The following PCDH9 variants were observed in gnomAD, a reference collection of about 807,000 sequenced individuals.
The protein encoded by PCDH9 is protocadherin 9.
Under a neutral mutation model 70.6 loss-of-function variants are expected in PCDH9, and 24 were observed. The ratio of observed to expected loss-of-function variants is 0.34; its 90% CI spans 0.25 to 0.48. The LOEUF (loss-of-function observed/expected upper bound fraction) is 0.48. Ranked by LOEUF, PCDH9 falls within the 20% of genes least tolerant of loss-of-function variation. The pLI is 0.99. For synonymous variants in PCDH9, 562 were observed against 558.5 expected (o/e 1.01, Z -0.09); for missense variants, 1,281 against 1,503.6 (o/e 0.85, Z 2.45).
chr13:66,884,883 T>C (rs1224862722), intron 3 of PCDH9, among the ~76,000 whole-genome samples: 1 of 152,186 alleles, frequency 6.6e-6, no homozygotes, highest in Non-Finnish European at 1.5e-5. Flanking sequence ...CTCTCAAAAA[T>C]ATTTTAAAGC....
At chr13:67,061,053 T>C (rs564616665) in intron 2 of PCDH9, among the ~76,000 whole-genome samples, 6 of 152,280 alleles carry the variant, frequency 3.9e-5, no homozygotes, top group Non-Finnish European at 5.9e-5. Flanking sequence ...TTTTAATTAC[T>C]GCTTTTGTAC....
rs1237016380 is a variant in PCDH9 at position 66,873,440 on chromosome 13, G to T, written c.3138+30064C>A. 1.3e-5 allele frequency among the ~76,000 whole-genome samples: 2 copies of T among 152,144 alleles called. 1 individual carries two copies. The highest frequency in any genetic ancestry group is 4.1e-4 in the South Asian group (2 of 4,828). ...CAATTTATTTTTAAACATGAGAAATGCATTACCAAGGACGAGAAGCTCTTT... is the reference window on the plus strand; with the variant it reads ...CAATTTATTTTTAAACATGAGAAATTCATTACCAAGGACGAGAAGCTCTTT... On this transcript the variant is annotated intron_variant, in intron 3 of 4. Coordinates refer to ENST00000377865, the MANE Select transcript of PCDH9 (RefSeq NM_203487.3).
chr13:67,045,057 T>C (rs977746154), intron 2 of PCDH9, among the ~76,000 whole-genome samples: 7 of 152,204 alleles, frequency 4.6e-5, no homozygotes, highest in African/African-American at 1.4e-4. Context: ...TGGGGAAAGA[T>C]TGAGACATTC....
intron 3 of PCDH9, among the ~76,000 whole-genome samples, chr13:66,842,731 T>C (rs1186134737): frequency 6.6e-6 from 1 of 152,148 alleles, no homozygotes; most frequent in African/African-American, 2.4e-5. Flanking sequence ...TAAAATATCA[T>C]CTCCTGTTTT....
chr13:66,561,079 G>A lies in PCDH9; in HGVS notation c.3340+70131C>T, dbSNP rs148240163. ...GAGATGTGGAGGGAGAAGCGCGGGC[G>A]GGAACCCGGGCTGCGCGTGGTGCTT... On this transcript the variant is annotated intron_variant, in intron 4 of 4. Transcript: ENST00000377865. Among the ~76,000 whole-genome samples, 672 of 152,330 alleles carry A rather than the reference G, an allele frequency of 4.4e-3. 28 individuals carry two copies. The East Asian group carries it at 0.085, about 19-fold the overall frequency.
chr13:66,929,197 A>G (rs900665972), intron 2 of PCDH9, among the ~76,000 whole-genome samples: 1 of 152,050 alleles, frequency 6.6e-6, no homozygotes, highest in Non-Finnish European at 1.5e-5. Context: ...CAATTAACAC[A>G]GAATAAATTT....
At chr13:67,001,388 A>G (rs2084241777) in intron 2 of PCDH9, among the ~76,000 whole-genome samples, 2 of 151,636 alleles carry the variant, frequency 1.3e-5, no homozygotes, top group East Asian at 3.9e-4. Context: ...GGGCAAGAAT[A>G]GGGAGCTATG....
At chr13:66,432,233 C>T (rs566242025) in intron 4 of PCDH9, among the ~76,000 whole-genome samples, 1 of 152,088 alleles carries the variant, frequency 6.6e-6, no homozygotes, top group Admixed American at 6.6e-5. Flanking sequence ...TATTATAGCA[C>T]TTGGCAGGTC....
At chr13:66,592,283 C>T (rs1380494575) in intron 4 of PCDH9, among the ~76,000 whole-genome samples, 1 of 151,618 alleles carries the variant, frequency 6.6e-6, no homozygotes, top group Non-Finnish European at 1.5e-5. Context: ...CATGATCAAT[C>T]CCCTGCCCTT....
chr13:66,886,697 C>T (rs563658451), intron 3 of PCDH9, among the ~76,000 whole-genome samples: 3 of 152,218 alleles, frequency 2.0e-5, no homozygotes, highest in African/African-American at 7.2e-5. Flanking sequence ...ATTATTATAA[C>T]TAGGTATCAG....
intron 4 of PCDH9, among the ~76,000 whole-genome samples, chr13:66,515,138 T>C (rs1232432757): frequency 1.3e-5 from 2 of 152,072 alleles, no homozygotes; most frequent in Admixed American, 1.3e-4. Flanking sequence ...AGAAAGGAGT[T>C]GTGGGGAATT....
At chr13:66,621,760 T>A (rs1234741145) in intron 4 of PCDH9, among the ~76,000 whole-genome samples, 1 of 152,356 alleles carries the variant, frequency 6.6e-6, no homozygotes, top group Middle Eastern at 3.4e-3. Context: ...AAGTTATTTA[T>A]CCTATTGAGA....
chr13:66,705,569 T>C (rs1376889145), intron 3 of PCDH9, among the ~76,000 whole-genome samples: 1 of 152,214 alleles, frequency 6.6e-6, no homozygotes, highest in East Asian at 1.9e-4. Context: ...CGTGGCATTT[T>C]CCATAAATAA....
chr13:67,009,603 C>A (rs905256997), intron 2 of PCDH9, among the ~76,000 whole-genome samples: 1 of 151,946 alleles, frequency 6.6e-6, no homozygotes. Context: ...GTCTGTACTC[C>A]TTATTTAGTC....
Position 66,362,764 on chromosome 13 carries a change from T to C in PCDH9, c.3341-57736A>G, listed in dbSNP as rs545599340. On this transcript the variant is annotated intron_variant, in intron 4 of 4. Coordinates refer to ENST00000377865, the MANE Select transcript of PCDH9 (RefSeq NM_203487.3). ...TGGAAGCTGATGGGGACTAAACAGTTGTGGCACAATGTGCAATAAAAGGAT... is the reference window on the plus strand; with the variant it reads ...TGGAAGCTGATGGGGACTAAACAGTCGTGGCACAATGTGCAATAAAAGGAT... 5.4e-3 allele frequency among the ~76,000 whole-genome samples: 827 copies of C among 152,288 alleles called. 6 individuals are homozygous for C. The highest frequency in any genetic ancestry group is 8.9e-3 in the Non-Finnish European group (606 of 68,020).
At chr13:67,123,108 T>C (rs1336151680) in intron 2 of PCDH9, among the ~76,000 whole-genome samples, 1 of 152,108 alleles carries the variant, frequency 6.6e-6, no homozygotes, top group Non-Finnish European at 1.5e-5. Context: ...CCTTCAAACA[T>C]GGAAAAACAA....
chr13:66,951,183 T>G (rs2083174322), intron 2 of PCDH9, among the ~76,000 whole-genome samples: 1 of 152,184 alleles, frequency 6.6e-6, no homozygotes, highest in Non-Finnish European at 1.5e-5. Flanking sequence ...ACACATTTAT[T>G]TCTCTCTTTT....
At chr13:66,492,470 C>G (rs1177766311) in intron 4 of PCDH9, among the ~76,000 whole-genome samples, 1 of 147,202 alleles carries the variant, frequency 6.8e-6, no homozygotes, top group Non-Finnish European at 1.5e-5. Flanking sequence ...TAAATATAAA[C>G]AAATATATAT....
intron 2 of PCDH9, among the ~76,000 whole-genome samples, chr13:67,084,941 T>C (rs2086065479): frequency 9.0e-6 from 1 of 111,608 alleles, no homozygotes; most frequent in Non-Finnish European, 1.7e-5. Context: ...CACTCCAGCC[T>C]GGGTGACAGA....
Sources: allele counts gnomAD v4.1 joint callset (sites outside exome capture counted in the v4.1 genomes callset), GRCh38; gene constraint gnomAD v4.1.1; transcripts MANE v1.5; gene names NCBI Gene and HGNC (gene_info 2026-07-23, HGNC 2026-07-21).